Variants in NEGR1 observed in about 807,000 individuals in gnomAD.
NEGR1 encodes IgLON family member 4.
In NEGR1, 10 loss-of-function variants were observed where a neutral mutation model predicts 40.9. The observed-to-expected ratio is 0.24, with a 90% CI of 0.15 to 0.42. The LOEUF (loss-of-function observed/expected upper bound fraction) is 0.42, where lower values mean the gene tolerates loss of function less well. Among genes scored for constraint, NEGR1 ranks in the 10% least tolerant of loss-of-function variants. NEGR1 has a pLI of 1.00. For missense variants in NEGR1, 352 were observed against 438.9 expected (o/e 0.80, Z 1.77); for synonymous variants, 185 against 166.8 (o/e 1.11, Z -0.84).
At chr1:72,188,657 A>G (rs1652700895) in intron 1 of NEGR1, among the ~76,000 whole-genome samples, 2 of 151,490 alleles carry the variant, frequency 1.3e-5, no homozygotes. Flanking sequence ...CAATTGGTAC[A>G]CAAAAATCTC....
At chr1:71,583,028 A>G (rs771122021) in intron 6 of NEGR1, among the ~76,000 whole-genome samples, 2 of 152,138 alleles carry the variant, frequency 1.3e-5, no homozygotes, top group Non-Finnish European at 2.9e-5. Context: ...TCCTGGTTAG[A>G]GAAGCATCTA....
intron 6 of NEGR1, among the ~76,000 whole-genome samples, chr1:71,412,578 A>C (rs900367166): frequency 5.3e-5 from 8 of 152,296 alleles, no homozygotes; most frequent in African/African-American, 1.7e-4. Flanking sequence ...TAATATTCCT[A>C]AATATGCATG....
intron 1 of NEGR1, among the ~76,000 whole-genome samples, chr1:71,939,787 A>G (rs1235172615): frequency 1.3e-5 from 2 of 151,818 alleles, no homozygotes; most frequent in African/African-American, 4.8e-5. Context: ...CACTTCCGAA[A>G]CCCTTTTAAA....
chr1:71,608,022 C>T (rs1241302237), intron 5 of NEGR1, among the ~76,000 whole-genome samples: 1 of 152,116 alleles, frequency 6.6e-6, no homozygotes, highest in East Asian at 1.9e-4. Context: ...AATTGAATGG[C>T]CTGGGCGTTT....
intron 1 of NEGR1, among the ~76,000 whole-genome samples, chr1:72,176,394 CT>C (rs1434356685): frequency 1.3e-5 from 2 of 152,014 alleles, no homozygotes; most frequent in Non-Finnish European, 2.9e-5. Flanking sequence ...AATCTTAAGA[CT>C]TTGCCATCAA....
chr1:71,810,761 T>C (rs921434190), intron 2 of NEGR1, among the ~76,000 whole-genome samples: 2 of 152,080 alleles, frequency 1.3e-5, no homozygotes, highest in African/African-American at 2.4e-5. Flanking sequence ...CTCTTCCTCC[T>C]GCTCCAGCCA....
chr1:72,026,988 C>A (rs1222717292), intron 1 of NEGR1, among the ~76,000 whole-genome samples: 1 of 151,924 alleles, frequency 6.6e-6, no homozygotes, highest in Non-Finnish European at 1.5e-5. Context: ...TGCAGTGGCG[C>A]GATCTGGGCT....
chr1:71,775,671 C>T (rs1656479623), intron 3 of NEGR1, among the ~76,000 whole-genome samples: 1 of 151,038 alleles, frequency 6.6e-6, no homozygotes, highest in Non-Finnish European at 1.5e-5. Context: ...AACTGCAATG[C>T]CTTTAAGTAT....
At chr1:72,148,375 G>A (rs997449729) in intron 1 of NEGR1, among the ~76,000 whole-genome samples, 2 of 151,944 alleles carry the variant, frequency 1.3e-5, no homozygotes, top group Non-Finnish European at 1.5e-5. Flanking sequence ...GTGATGGCTC[G>A]AGTGGCTGGG....
intron 1 of NEGR1, among the ~76,000 whole-genome samples, chr1:72,012,631 A>C (rs1646666915): frequency 6.6e-6 from 1 of 152,086 alleles, no homozygotes; most frequent in Non-Finnish European, 1.5e-5. Context: ...AACCTGGGCA[A>C]GAACTTCCCC....
intron 2 of NEGR1, among the ~76,000 whole-genome samples, chr1:71,819,234 G>A (rs1216842158): frequency 1.3e-5 from 2 of 151,824 alleles, no homozygotes; most frequent in African/African-American, 4.8e-5. Flanking sequence ...TTCTATTCTT[G>A]GAAAAGACCT....
chr1:71,491,965 C>T (rs1569941057), intron 6 of NEGR1, among the ~76,000 whole-genome samples: 1 of 152,042 alleles, frequency 6.6e-6, no homozygotes, highest in Non-Finnish European at 1.5e-5. Context: ...GTTCACATTT[C>T]ATGAATGAGA....
At chr1:71,483,915 T>A (rs1464827306) in intron 6 of NEGR1, among the ~76,000 whole-genome samples, 3 of 151,578 alleles carry the variant, frequency 2.0e-5, no homozygotes, top group African/African-American at 7.3e-5. Flanking sequence ...TCACTGAGGA[T>A]TTTTTTTCAC....
rs1646105365 is a variant in NEGR1, at chr1:71,954,793, C to T, written c.177-19482G>A. On this transcript the variant is annotated intron_variant, in intron 1 of 6. Transcript: ENST00000357731. Reference sequence around the variant, plus strand: ...TGCCAAAAATACAAGTACAATCATACAACCAATCCTAATAAAAAGTACTGC... The same window carrying T: ...TGCCAAAAATACAAGTACAATCATATAACCAATCCTAATAAAAAGTACTGC... Among the ~76,000 whole-genome samples the T allele has an allele frequency of 2.0e-5, 3 of 152,124 alleles. No individual in the cohort carries two copies. In the South Asian group the frequency reaches 6.2e-4, roughly 31 times the overall value.
intron 3 of NEGR1, among the ~76,000 whole-genome samples, chr1:71,756,723 T>C (rs1174071117): frequency 7.9e-5 from 12 of 152,044 alleles, no homozygotes. Flanking sequence ...ATTACACTAA[T>C]ACATCGTCAG....
intron 6 of NEGR1, among the ~76,000 whole-genome samples, chr1:71,442,226 C>CTTTTTTTTT (rs35594326): frequency 9.4e-5 from 8 of 84,930 alleles, no homozygotes; most frequent in South Asian, 5.0e-4. Context: ...GGTAGCATTC[C>CTTTTTTTTT]TTTTTTTTTT....
At chr1:72,261,089 AATC>A (rs1472190285) in intron 1 of NEGR1, among the ~76,000 whole-genome samples, 4 of 152,054 alleles carry the variant, frequency 2.6e-5, no homozygotes, top group African/African-American at 9.7e-5. Flanking sequence ...AGGAGGAAAA[AATC>A]ATGTTTTACA....
chr1:71,658,999 T>C (rs941178156), intron 4 of NEGR1, among the ~76,000 whole-genome samples: 3 of 152,178 alleles, frequency 2.0e-5, no homozygotes, highest in African/African-American at 7.2e-5. Flanking sequence ...TTTTCTGTAA[T>C]ATGCTTGACC....
chr1:71,714,106 A>G (rs1026677182), intron 3 of NEGR1, among the ~76,000 whole-genome samples: 5 of 152,186 alleles, frequency 3.3e-5, no homozygotes, highest in Admixed American at 2.0e-4. Flanking sequence ...GGGAGACCTC[A>G]GGAGACTTAC....
Sources: allele counts gnomAD v4.1 joint callset (sites outside exome capture counted in the v4.1 genomes callset), GRCh38; gene constraint gnomAD v4.1.1; transcripts MANE v1.5; gene names NCBI Gene and HGNC (gene_info 2026-07-23, HGNC 2026-07-21).